The following SYNE1 variants were observed in gnomAD, a reference collection of about 807,000 sequenced individuals.
SYNE1 encodes the protein nesprin-1.
In SYNE1, 616 loss-of-function variants were observed where a neutral mutation model predicts 1,111.0. That is an observed-to-expected ratio of 0.55 (90% CI 0.52 to 0.59). The LOEUF (loss-of-function observed/expected upper bound fraction) is 0.59. Among genes scored for constraint, SYNE1 ranks in the 20% least tolerant of loss-of-function variants. The probability of loss-of-function intolerance (pLI) is 0.00; values close to 1 mark genes in which losing one functional copy is unlikely to be tolerated. For synonymous variants in SYNE1, 3,855 were observed against 3,825.8 expected (o/e 1.01, Z -0.28); for missense variants, 10,006 against 10,417.0 (o/e 0.96, Z 1.72).
intron 131 of SYNE1, 100 bp from the exon 132 acceptor site, chr6:152,156,197 C>T: frequency 8.1e-7 from 1 of 1,233,292 alleles, no homozygotes; most frequent in Non-Finnish European, 1.2e-6. Flanking sequence ...TACACCTTGA[C>T]AAATATTTAA....
rs753871708 is a variant in SYNE1 at position 152,122,453 on chromosome 6, C to A, written c.26377G>T (p.Gly8793Cys). 6.2e-7 allele frequency: 1 copy of A among 1,614,160 alleles called. No individual in the cohort carries two copies. Among genetic ancestry groups the A allele is most frequent in the South Asian group, 1.1e-5 (1 of 91,084 alleles). ...SFHPMLRYTN[G>C]PPPL ...TGCTTAGTTCAGAGTGGAGGAGGGC[C>A]ATTCGTGTATCTGAGCATGGGGTGG... Residue 8793 changes from glycine to cysteine, a missense_variant, in exon 146 of 146, where the codon GGC becomes TGC. Coordinates refer to ENST00000367255, the MANE Select transcript of SYNE1 (RefSeq NM_182961.4).
chr6:152,194,778 T>G, intron 127 of SYNE1, among the ~76,000 whole-genome samples: 1 of 152,190 alleles, frequency 6.6e-6, no homozygotes, highest in East Asian at 1.9e-4. Flanking sequence ...ATTCTGCTAT[T>G]AAGAGACTCT....
At chr6:152,449,192 ATGTAT>A (rs898341583) in intron 28 of SYNE1, among the ~76,000 whole-genome samples, 2 of 152,170 alleles carry the variant, frequency 1.3e-5, no homozygotes, top group Admixed American at 1.3e-4. Flanking sequence ...ATGGCTGAAA[ATGTAT>A]TGTATAAAAG....
In SYNE1 at chr6:152,406,943, AC is replaced by A. The variant is rs919673055; in HGVS notation, c.6723+70del. On this transcript the variant is annotated intron_variant, in intron 45 of 145. Coordinates refer to ENST00000367255, the MANE Select transcript of SYNE1 (RefSeq NM_182961.4). ...AAAGAAGAATAAACTTTTAAGAAAG[AC>A]TTTTTTTTTTTTTCATATTCTGGTC... 2.2e-5 allele frequency: 24 copies of A among 1,103,418 alleles called. No homozygotes were observed. In the African/African-American group the frequency reaches 2.9e-4, roughly 13 times the overall value. The allele number at this position is 1,103,418 out of a possible 1,614,324, so 68.4% of individuals were successfully genotyped here. A position where few individuals can be genotyped will look rare whatever the true frequency, so the allele number is the denominator to read the frequency against.
At chr6:152,164,995 C>T (rs1434161563) in intron 130 of SYNE1, among the ~76,000 whole-genome samples, 1 of 152,158 alleles carries the variant, frequency 6.6e-6, no homozygotes, top group African/African-American at 2.4e-5. Context: ...GTTTGTGATA[C>T]ATTTAAAGGC....
intron 66 of SYNE1, among the ~76,000 whole-genome samples, chr6:152,357,222 T>C (rs1376772820): frequency 6.6e-6 from 1 of 152,206 alleles, no homozygotes; most frequent in Non-Finnish European, 1.5e-5. Flanking sequence ...AGAAGTTGTC[T>C]CTTGCCTGAA....
intron 133 of SYNE1, among the ~76,000 whole-genome samples, chr6:152,154,361 C>T (rs1426737722): frequency 6.6e-6 from 1 of 151,718 alleles, no homozygotes; most frequent in Admixed American, 6.6e-5. Flanking sequence ...TGACTCAAGA[C>T]CAGTACTACT....
chr6:152,232,568 G>A (rs1052420480), intron 112 of SYNE1, among the ~76,000 whole-genome samples: 4 of 152,188 alleles, frequency 2.6e-5, no homozygotes, highest in African/African-American at 4.8e-5. Flanking sequence ...AGTTTTATGA[G>A]TCTAAAAAAA....
At chr6:152,521,211 G>A (rs146429395) in intron 5 of SYNE1, among the ~76,000 whole-genome samples, 81 of 152,142 alleles carry the variant, frequency 5.3e-4, no homozygotes, top group African/African-American at 1.9e-3. Flanking sequence ...GCCTTTCACT[G>A]TATTTCATTC....
At chr6:152,367,179 T>C in intron 62 of SYNE1, 39 bp downstream of exon 62, 1 of 1,613,924 alleles carries the variant, frequency 6.2e-7, no homozygotes, top group Non-Finnish European at 8.5e-7. Flanking sequence ...GAAAAACAAA[T>C]TCTGTAGGTT....
chr6:152,130,890 A>C, intron 144 of SYNE1, 112 bp from the exon 145 acceptor site: 1 of 1,109,608 alleles, frequency 9.0e-7, no homozygotes, highest in South Asian at 1.4e-5. Context: ...AATAAATCAA[A>C]TGAAATGATC....
intron 39 of SYNE1, among the ~76,000 whole-genome samples, chr6:152,422,586 T>G (rs141745240): frequency 0.022 from 3,349 of 152,256 alleles, 50 homozygotes; most frequent in Non-Finnish European, 0.035. Flanking sequence ...CCTTGTAACT[T>G]CAAACTCCTG....
Position 152,300,521 on chromosome 6 carries a change from T to C in SYNE1, c.17682+120A>G, listed in dbSNP as rs968284624. The C allele has an allele frequency of 5.0e-6, 7 of 1,386,950 alleles. No homozygotes were observed. In the African/African-American group the frequency reaches 8.5e-5, roughly 17 times the overall value. 85.9% of individuals were successfully genotyped at this position (1,386,950 alleles called of 1,614,324 possible). A position where few individuals can be genotyped will look rare whatever the true frequency, so the allele number is the denominator to read the frequency against. On this transcript the variant is annotated intron_variant, in intron 93 of 145. Coordinates refer to ENST00000367255, the MANE Select transcript of SYNE1 (RefSeq NM_182961.4). Reference sequence around the variant, plus strand: ...TGTGCAACTATAACACCTAATAGTGTGTCCCTGGAACCAAATGCAACAAAG... The same window carrying C: ...TGTGCAACTATAACACCTAATAGTGCGTCCCTGGAACCAAATGCAACAAAG...
chr6:152,596,304 G>C (rs558587813), intron 3 of SYNE1, among the ~76,000 whole-genome samples: 2 of 136,224 alleles, frequency 1.5e-5, no homozygotes, highest in Non-Finnish European at 3.0e-5. Context: ...GTCTCACTGT[G>C]TTGCCCAGGC....
At chr6:152,375,837 A>C (rs1357462054) in intron 58 of SYNE1, among the ~76,000 whole-genome samples, 2 of 152,246 alleles carry the variant, frequency 1.3e-5, no homozygotes, top group African/African-American at 4.8e-5. Flanking sequence ...AATATATAAA[A>C]ATAGTGTGCA....
At chr6:152,206,477 T>G in intron 125 of SYNE1, 115 bp from the exon 126 acceptor site, 1 of 1,131,068 alleles carries the variant, frequency 8.8e-7, no homozygotes, top group Non-Finnish European at 1.3e-6. Flanking sequence ...GCATTTACCG[T>G]AGTGGTGCTT....
intron 3 of SYNE1, among the ~76,000 whole-genome samples, chr6:152,577,844 C>T (rs1458827594): frequency 6.6e-6 from 1 of 151,744 alleles, no homozygotes; most frequent in Admixed American, 6.6e-5. Context: ...ATTTACTATA[C>T]TATACCTTGC....
At chr6:152,344,523 T>A (rs2096597169) in intron 73 of SYNE1, among the ~76,000 whole-genome samples, 1 of 152,222 alleles carries the variant, frequency 6.6e-6, no homozygotes, top group Admixed American at 6.5e-5. Flanking sequence ...CATAAAATCA[T>A]TGAAGTTAAT....
At chr6:152,152,196 G>C (rs1289740297) in intron 133 of SYNE1, 55 bp from the exon 134 acceptor site, 11 of 1,501,564 alleles carry the variant, frequency 7.3e-6, no homozygotes, top group Non-Finnish European at 1.0e-5. Context: ...ACTCTCAGTA[G>C]TGGCTCCTGG....
Sources: allele counts gnomAD v4.1 joint callset (sites outside exome capture counted in the v4.1 genomes callset), GRCh38; gene constraint gnomAD v4.1.1; transcripts MANE v1.5; gene names NCBI Gene and HGNC (gene_info 2026-07-23, HGNC 2026-07-21).